Variants in SNTB1 observed in about 807,000 individuals in gnomAD.
SNTB1 encodes the protein beta-1-syntrophin.
Under a neutral mutation model 48.9 loss-of-function variants are expected in SNTB1, and 36 were observed. The ratio of observed to expected loss-of-function variants is 0.74; its 90% CI spans 0.56 to 0.97. SNTB1 has a LOEUF of 0.97. SNTB1 is among the 50% of genes least tolerant of loss of function. The probability of loss-of-function intolerance (pLI) is 0.00; values close to 1 mark genes in which losing one functional copy is unlikely to be tolerated. For synonymous variants in SNTB1, 299 were observed against 294.6 expected, an observed-to-expected ratio of 1.01 and a Z score of -0.15; for missense variants, 786 against 703.4, an observed-to-expected ratio of 1.12 and a Z score of -1.33.
At chr8:120,617,041 C>A (rs575937407) in intron 3 of SNTB1, among the ~76,000 whole-genome samples, 2 of 152,326 alleles carry the variant, frequency 1.3e-5, no homozygotes, top group East Asian at 3.9e-4. Flanking sequence ...CCACATGTGG[C>A]CCGGGACAGC....
rs556363466 is a variant in SNTB1 at position 120,691,102 on chromosome 8, A to C, written c.788+2590T>G. 8.5e-5 allele frequency among the ~76,000 whole-genome samples: 13 copies of C among 152,330 alleles called. No individual in the cohort carries two copies. In the South Asian group the frequency reaches 2.7e-3, roughly 32 times the overall value. On this transcript the variant is annotated intron_variant, in intron 2 of 6. Coordinates refer to ENST00000517992, the MANE Select transcript of SNTB1 (RefSeq NM_021021.4). ...TCTACTGGCTTGATATACAGACTGA[A>C]GTTTCCAATATCTAAATTAAGGTCT...
intron 4 of SNTB1, among the ~76,000 whole-genome samples, chr8:120,567,971 A>G (rs1176039896): frequency 6.6e-6 from 1 of 152,224 alleles, no homozygotes; most frequent in African/African-American, 2.4e-5. Flanking sequence ...GACAGATTAC[A>G]TACTTATGTG....
intron 1 of SNTB1, among the ~76,000 whole-genome samples, chr8:120,784,412 A>C (rs185553023): frequency 3.9e-5 from 6 of 152,146 alleles, no homozygotes; most frequent in Admixed American, 3.9e-4. Flanking sequence ...ATAATATCTC[A>C]ATAAATCGCA....
chr8:120,583,525 AC>A (rs1352763166), intron 3 of SNTB1, among the ~76,000 whole-genome samples: 12 of 37,688 alleles, frequency 3.2e-4, no homozygotes, highest in Non-Finnish European at 1.9e-3. Context: ...ACACACACAC[AC>A]ACACACACAC....
intron 2 of SNTB1, among the ~76,000 whole-genome samples, chr8:120,657,274 T>A (rs1464515428): frequency 6.6e-6 from 1 of 152,224 alleles, no homozygotes; most frequent in Non-Finnish European, 1.5e-5. Context: ...AGTATTATCT[T>A]GGCAGTATCT....
chr8:120,659,774 C>T (rs1384355820), intron 2 of SNTB1, among the ~76,000 whole-genome samples: 1 of 152,128 alleles, frequency 6.6e-6, no homozygotes, highest in Non-Finnish European at 1.5e-5. Context: ...ATGATTCATG[C>T]CTTCACTCAT....
chr8:120,536,041 A>C lies in SNTB1; in HGVS notation c.*2836T>G, dbSNP rs1235617232. On this transcript the variant is annotated 3_prime_UTR_variant, in exon 7 of 7. Coordinates refer to ENST00000517992, the MANE Select transcript of SNTB1 (RefSeq NM_021021.4). The stretch of plus-strand genomic sequence containing the variant: ...GTGTTTTCAGGGTTTTAATTGCACT[A>C]GTTGATGAATTAAGTAAATGCCTCT... 1.3e-5 allele frequency: 2 copies of C among 152,222 alleles called. No homozygotes were observed. The highest frequency in any genetic ancestry group is 2.9e-5 in the Non-Finnish European group (2 of 68,036). 9.4% of individuals were successfully genotyped at this position (152,222 alleles called of 1,614,324 possible).
intron 1 of SNTB1, among the ~76,000 whole-genome samples, chr8:120,770,869 TG>T (rs1196941698): frequency 6.6e-6 from 1 of 152,206 alleles, no homozygotes; most frequent in South Asian, 2.1e-4. Context: ...CTAATTTCAA[TG>T]GTCTGTGCTT....
At chr8:120,592,309 A>T (rs1313769221) in intron 3 of SNTB1, among the ~76,000 whole-genome samples, 1 of 151,800 alleles carries the variant, frequency 6.6e-6, no homozygotes, top group Non-Finnish European at 1.5e-5. Context: ...AGCCTCCTTT[A>T]GCTGGAACTA....
At chr8:120,558,106 G>A (rs916644698) in intron 4 of SNTB1, among the ~76,000 whole-genome samples, 6 of 152,176 alleles carry the variant, frequency 3.9e-5, no homozygotes, top group African/African-American at 1.4e-4. Context: ...ATTCTGCCAG[G>A]AACAGTCTTT....
intron 1 of SNTB1, among the ~76,000 whole-genome samples, chr8:120,784,637 T>C (rs1202147575): frequency 6.6e-6 from 1 of 152,186 alleles, no homozygotes; most frequent in Non-Finnish European, 1.5e-5. Context: ...TGTGGAATGC[T>C]GTGGAAAAAT....
chr8:120,562,829 G>A (rs1233796081), intron 4 of SNTB1, among the ~76,000 whole-genome samples: 1 of 151,924 alleles, frequency 6.6e-6, no homozygotes, highest in Non-Finnish European at 1.5e-5. Context: ...TCCACGCTGT[G>A]GAAGCTTTGT....
intron 1 of SNTB1, among the ~76,000 whole-genome samples, chr8:120,751,847 G>A (rs1484118152): frequency 6.6e-6 from 1 of 152,128 alleles, no homozygotes; most frequent in East Asian, 1.9e-4. Flanking sequence ...ATAAATAGCA[G>A]TCATTATGAT....
chr8:120,708,120 T>A (rs1382765134), intron 1 of SNTB1, among the ~76,000 whole-genome samples: 1 of 151,564 alleles, frequency 6.6e-6, no homozygotes, highest in Non-Finnish European at 1.5e-5. Flanking sequence ...AAATAATAAA[T>A]AATCTCTAAA....
At chr8:120,784,830 G>C (rs1051180171) in intron 1 of SNTB1, among the ~76,000 whole-genome samples, 1 of 152,204 alleles carries the variant, frequency 6.6e-6, no homozygotes, top group Non-Finnish European at 1.5e-5. Context: ...CTCTTGGAAA[G>C]AAGCAGTGGG....
chr8:120,600,178 G>T (rs1816400181), intron 3 of SNTB1, among the ~76,000 whole-genome samples: 1 of 152,224 alleles, frequency 6.6e-6, no homozygotes. Flanking sequence ...TTGACTAACA[G>T]GATGCAGCAG....
At position 120,668,382 on chromosome 8, in the gene SNTB1, C is replaced by T. The variant is rs575882766; in HGVS notation, c.788+25310G>A. ...CAGGAAGAAGGGTAAATATAGTTCC[C>T]GTTACTCCATCTTGGTCACAGTGGA... On this transcript the variant is annotated intron_variant, in intron 2 of 6. Transcript: ENST00000517992. Among the ~76,000 whole-genome samples, 9 of 152,286 alleles carry T rather than the reference C, an allele frequency of 5.9e-5. No homozygotes were observed. In the South Asian group the frequency reaches 1.5e-3, roughly 25 times the overall value.
At chr8:120,681,789 A>G (rs568814025) in intron 2 of SNTB1, among the ~76,000 whole-genome samples, 1 of 152,272 alleles carries the variant, frequency 6.6e-6, no homozygotes, top group Non-Finnish European at 1.5e-5. Flanking sequence ...CACTCCCCAC[A>G]TAGGTTCCAA....
intron 4 of SNTB1, among the ~76,000 whole-genome samples, chr8:120,565,886 C>G (rs1302661183): frequency 1.3e-5 from 2 of 152,148 alleles, no homozygotes; most frequent in African/African-American, 2.4e-5. Context: ...GAGGGCCCCA[C>G]TCTCATGGAT....
Sources: allele counts gnomAD v4.1 joint callset (sites outside exome capture counted in the v4.1 genomes callset), GRCh38; gene constraint gnomAD v4.1.1; transcripts MANE v1.5; gene names NCBI Gene and HGNC (gene_info 2026-07-23, HGNC 2026-07-21).